Variants in LRFN5 observed in about 807,000 individuals in gnomAD.
LRFN5 encodes leucine-rich repeat and fibronectin type-III domain-containing protein 5.
A neutral mutation model predicts 45.6 loss-of-function variants in LRFN5; 24 were observed. That is an observed-to-expected ratio of 0.53 (90% CI 0.38 to 0.74). The LOEUF is 0.74. Ranked by LOEUF, LRFN5 falls within the 30% of genes least tolerant of loss-of-function variation. The pLI, the probability that LRFN5 is intolerant of heterozygous loss-of-function variation, is 0.00. For synonymous variants in LRFN5, 340 were observed against 313.8 expected (o/e 1.08, Z -0.88); for missense variants, 776 against 861.5 (o/e 0.90, Z 1.24).
At chr14:41,725,773 C>T (rs961431239) in intron 1 of LRFN5, among the ~76,000 whole-genome samples, 1 of 152,166 alleles carries the variant, frequency 6.6e-6, no homozygotes, top group African/African-American at 2.4e-5. Context: ...CTTCCAGGCT[C>T]TGTATGTCTG....
chr14:41,848,725 A>G (rs1482602475), intron 2 of LRFN5, among the ~76,000 whole-genome samples: 5 of 152,170 alleles, frequency 3.3e-5, no homozygotes, highest in South Asian at 2.1e-4. Flanking sequence ...GATTACCAGG[A>G]CTGACTGGCT....
intron 1 of LRFN5, among the ~76,000 whole-genome samples, chr14:41,725,762 T>A (rs1468817921): frequency 6.6e-6 from 1 of 152,208 alleles, no homozygotes; most frequent in Non-Finnish European, 1.5e-5. Context: ...TCTTTTAAGA[T>A]CTTCCAGGCT....
Position 41,759,448 on chromosome 14 carries a change from TACACACACACACACAC to T in LRFN5, c.-196-7370_-196-7355del, listed in dbSNP as rs569216156. ...CATTATAAAGTATATTCTCTCTCTC[TACACACACACACACAC>T]ACACACACACACACACACACACACA... On this transcript the variant is annotated intron_variant, in intron 1 of 5. Coordinates refer to ENST00000298119, the MANE Select transcript of LRFN5 (RefSeq NM_152447.5). 8.9e-3 allele frequency among the ~76,000 whole-genome samples: 981 copies of T among 109,738 alleles called. 6 individuals carry two copies. The highest frequency in any genetic ancestry group is 0.027 in the African/African-American group (768 of 28,924). 72.0% of individuals were successfully genotyped at this position (109,738 alleles called of 152,430 possible).
At chr14:41,722,734 T>C (rs1292065506) in intron 1 of LRFN5, among the ~76,000 whole-genome samples, 1 of 152,178 alleles carries the variant, frequency 6.6e-6, no homozygotes, top group African/African-American at 2.4e-5. Flanking sequence ...ATGATTCTTA[T>C]GGGTAAGTGC....
intron 1 of LRFN5, among the ~76,000 whole-genome samples, chr14:41,696,824 T>C (rs965436086): frequency 6.6e-6 from 1 of 151,946 alleles, no homozygotes; most frequent in Non-Finnish European, 1.5e-5. Flanking sequence ...TGACTAATGA[T>C]GCCAGGCATG....
At chr14:41,633,798 A>T (rs1888631551) in intron 1 of LRFN5, among the ~76,000 whole-genome samples, 2 of 152,164 alleles carry the variant, frequency 1.3e-5, no homozygotes, top group African/African-American at 2.4e-5. Flanking sequence ...AAATGTAATT[A>T]TGTGCACACC....
At chr14:41,844,777 G>GC (rs1889001052) in intron 2 of LRFN5, among the ~76,000 whole-genome samples, 1 of 152,072 alleles carries the variant, frequency 6.6e-6, no homozygotes, top group Admixed American at 6.6e-5. Flanking sequence ...TTATCTCTTT[G>GC]CAAGAAAATT....
chr14:41,648,589 A>G (rs1879933679), intron 1 of LRFN5, among the ~76,000 whole-genome samples: 1 of 152,194 alleles, frequency 6.6e-6, no homozygotes, highest in African/African-American at 2.4e-5. Context: ...TAAAAACTTT[A>G]TTAATAAAAC....
chr14:41,769,312 T>C (rs1303375058), intron 2 of LRFN5, among the ~76,000 whole-genome samples: 4 of 152,186 alleles, frequency 2.6e-5, no homozygotes, highest in Middle Eastern at 3.2e-3. Context: ...GCTATTATGA[T>C]TATTTTTCTC....
chr14:41,815,273 C>G (rs752358090), intron 2 of LRFN5, among the ~76,000 whole-genome samples: 1 of 152,012 alleles, frequency 6.6e-6, no homozygotes, highest in Admixed American at 6.6e-5. Flanking sequence ...GGAGAATTTG[C>G]CCTTTATTAT....
chr14:41,871,511 C>T (rs1392742053), intron 2 of LRFN5, among the ~76,000 whole-genome samples: 1 of 151,944 alleles, frequency 6.6e-6, no homozygotes, highest in Non-Finnish European at 1.5e-5. Flanking sequence ...ATTTCTTGAA[C>T]CCGGGAGGCG....
At chr14:41,860,711 G>T (rs1256067559) in intron 2 of LRFN5, among the ~76,000 whole-genome samples, 2 of 152,196 alleles carry the variant, frequency 1.3e-5, no homozygotes, top group East Asian at 1.9e-4. Context: ...TGGCTTACAT[G>T]ACTGCCCTGG....
At chr14:41,839,324 T>TTTA (rs1555325272) in intron 2 of LRFN5, among the ~76,000 whole-genome samples, 2 of 151,784 alleles carry the variant, frequency 1.3e-5, no homozygotes, top group Non-Finnish European at 2.9e-5. Flanking sequence ...AGATTTTTTT[T>TTTA]AAAAAAAGAA....
chr14:41,631,794 A>G (rs1594566085), intron 1 of LRFN5, among the ~76,000 whole-genome samples: 1 of 152,306 alleles, frequency 6.6e-6, no homozygotes, highest in East Asian at 1.9e-4. Flanking sequence ...GCATGGTTAT[A>G]AAATAGCCAA....
rs145106051 is a variant in LRFN5, at chr14:41,706,055, T to G, written c.-196-60799T>G. On this transcript the variant is annotated intron_variant, in intron 1 of 5. Coordinates refer to ENST00000298119, the MANE Select transcript of LRFN5 (RefSeq NM_152447.5). ...CATTGATATCACTTATGCTGTTTGT[T>G]TATTTTTACTACTACAAACATGCTA... is the stretch of plus-strand genomic sequence containing the variant. Among the ~76,000 whole-genome samples, 306 of 152,322 alleles carry G rather than the reference T, an allele frequency of 2.0e-3. 2 individuals are homozygous for G. Among genetic ancestry groups the G allele is most frequent in the African/African-American group, 6.4e-3 (268 of 41,572 alleles).
intron 2 of LRFN5, among the ~76,000 whole-genome samples, chr14:41,852,686 C>A: frequency 6.6e-6 from 1 of 151,698 alleles, no homozygotes; most frequent in East Asian, 1.9e-4. Context: ...AGTTTTAAGC[C>A]CCTTGCCAAA....
intron 1 of LRFN5, among the ~76,000 whole-genome samples, chr14:41,673,397 CCCG>C (rs1320941080): frequency 7.1e-6 from 1 of 140,908 alleles, no homozygotes; most frequent in Non-Finnish European, 1.5e-5. Context: ...AGGGGGCTGA[CCCG>C]CCCCCCACCT....
intron 2 of LRFN5, among the ~76,000 whole-genome samples, chr14:41,807,794 A>G (rs1006393355): frequency 6.6e-6 from 1 of 152,070 alleles, no homozygotes; most frequent in African/African-American, 2.4e-5. Flanking sequence ...AGAAATTACC[A>G]TGAGCCCCCA....
chr14:41,826,079 T>C (rs1888284428), intron 2 of LRFN5, among the ~76,000 whole-genome samples: 1 of 152,204 alleles, frequency 6.6e-6, no homozygotes, highest in Admixed American at 6.5e-5. Context: ...GATTATTCTT[T>C]CTGAGAACTG....
Sources: allele counts gnomAD v4.1 joint callset (sites outside exome capture counted in the v4.1 genomes callset), GRCh38; gene constraint gnomAD v4.1.1; transcripts MANE v1.5; gene names NCBI Gene and HGNC (gene_info 2026-07-23, HGNC 2026-07-21).